Variants in CLCF1 observed in about 807,000 individuals in gnomAD.
The protein encoded by CLCF1 is cardiotrophin like cytokine factor 1.
In CLCF1, 10 loss-of-function variants were observed where a neutral mutation model predicts 21.2. The observed-to-expected ratio is 0.47, with a 90% CI of 0.29 to 0.80. The LOEUF (loss-of-function observed/expected upper bound fraction) is 0.80, where lower values mean the gene tolerates loss of function less well. Among genes scored for constraint, CLCF1 ranks in the 30% least tolerant of loss-of-function variants. CLCF1 has a pLI of 0.09. For synonymous variants in CLCF1, 115 were observed against 120.5 expected, an observed-to-expected ratio of 0.95 and a Z score of 0.30; for missense variants, 240 against 293.4, an observed-to-expected ratio of 0.82 and a Z score of 1.33.
At chr11:67,369,620 C>G in intron 1 of CLCF1, 1 of 985,446 alleles carries the variant, frequency 1.0e-6, no homozygotes, top group Non-Finnish European at 1.2e-6. Context: ...CTGAATTGGG[C>G]AGCGGCCCTC....
chr11:67,373,516 G>GCTC lies in CLCF1; in HGVS notation c.16+5_16+7dup. ...CGGGGGTCGGGGCCTCGGCCGCCTG[G>GCTC]CTCCTACCTGCTCGGAGGTCCATGG... On this transcript the variant is annotated splice_region_variant and intron_variant, in intron 1 of 2. Coordinates refer to ENST00000312438, the MANE Select transcript of CLCF1 (RefSeq NM_013246.3). The GCTC allele has an allele frequency of 7.1e-7, 1 of 1,401,718 alleles. No individual in the cohort carries two copies. The highest frequency in any genetic ancestry group is 9.4e-7 in the Non-Finnish European group (1 of 1,063,162). 86.8% of individuals were successfully genotyped at this position (1,401,718 alleles called of 1,614,324 possible).
In CLCF1 at chr11:67,365,646, G is replaced by A. The variant is rs377140946; in HGVS notation, c.184-16C>T. ...GGTAGTTCAGCTGTGAAAAGGAGAGGGTGATGGGGAAGGAGGAGGGCAGAG... is the reference window on the plus strand; with the variant it reads ...GGTAGTTCAGCTGTGAAAAGGAGAGAGTGATGGGGAAGGAGGAGGGCAGAG... On this transcript the variant is annotated splice_polypyrimidine_tract_variant and intron_variant, in intron 2 of 2. Transcript: ENST00000312438. The surrounding 1 kb of genome is among the most constrained non-coding windows in gnomAD (Gnocchi z 5.0). The A allele has an allele frequency of 6.3e-7, 1 of 1,596,498 alleles. No homozygotes were observed. Among genetic ancestry groups the A allele is most frequent in the Non-Finnish European group, 8.6e-7 (1 of 1,168,034 alleles).
upstream of CLCF1, chr11:67,373,618 G>A: frequency 1.6e-6 from 2 of 1,284,214 alleles, no homozygotes; most frequent in Non-Finnish European, 2.0e-6. Context: ...CGGCTCCGGC[G>A]AAGCTTTAAT....
Position 67,365,731 on chromosome 11 carries a change from G to A in CLCF1, c.184-101C>T. 1.3e-6 allele frequency: 2 copies of A among 1,486,930 alleles called. No individual in the cohort carries two copies. Among genetic ancestry groups the A allele is most frequent in the South Asian group, 1.4e-5 (1 of 72,550 alleles). 92.1% of individuals were successfully genotyped at this position (1,486,930 alleles called of 1,614,324 possible). On this transcript the variant is annotated intron_variant, in intron 2 of 2. Coordinates refer to ENST00000312438, the MANE Select transcript of CLCF1 (RefSeq NM_013246.3). This position sits in a 1 kb window ranked among gnomAD's most constrained non-coding sequence, Gnocchi z 5.0. ...AAAGTTTCTATTTTTTGTGTCCCCT[G>A]ACACTGGCCCTGTCTCCATGCTAGG...
chr11:67,370,999 C>T (rs533075298), intron 1 of CLCF1: 2 of 985,386 alleles, frequency 2.0e-6, no homozygotes, highest in African/African-American at 1.7e-5. Context: ...CCAGCGCTGG[C>T]TGCGGTTGGA....
rs1862060662 is a variant in CLCF1, at chr11:67,364,617, CTGTTAA to C, written c.*513_*518del. 5.7e-6 allele frequency: 1 copy of C among 176,472 alleles called. No individual in the cohort carries two copies. Among genetic ancestry groups the C allele is most frequent in the Admixed American group, 5.5e-5 (1 of 18,036 alleles). 10.9% of individuals were successfully genotyped at this position (176,472 alleles called of 1,614,324 possible). ...CTCCAATGCAGACCCCAACCCTGCA[CTGTTAA>C]TCTCATCTCTTTTTGTGTAGAATTG... On this transcript the variant is annotated 3_prime_UTR_variant, in exon 3 of 3. Transcript: ENST00000312438.
rs1000809641 is a variant in CLCF1 at position 67,372,533 on chromosome 11, C to G, written c.16+991G>C. ...GGTGACCTCTCGCTCTGGGACCCCT[C>G]CCGGCGCTGCGCCTTCCCCCTGTGT... On this transcript the variant is annotated intron_variant, in intron 1 of 2. Transcript: ENST00000312438. The surrounding 1 kb of genome is among the most constrained non-coding windows in gnomAD (Gnocchi z 5.9). Among the ~76,000 whole-genome samples, 55 of 151,726 alleles carry G rather than the reference C, an allele frequency of 3.6e-4. 1 individual carries two copies. The highest frequency in any genetic ancestry group is 1.3e-3 in the African/African-American group (54 of 41,376).
intron 2 of CLCF1, 105 bp downstream of exon 2, chr11:67,367,355 G>C: frequency 6.4e-7 from 1 of 1,558,306 alleles, no homozygotes. Flanking sequence ...GAGCCAAAGA[G>C]CCCCTCCTCA....
At position 67,365,655 on chromosome 11, in the gene CLCF1, G is replaced by A. The variant is rs562640101; in HGVS notation, c.184-25C>T. On this transcript the variant is annotated intron_variant, in intron 2 of 2. Coordinates refer to ENST00000312438, the MANE Select transcript of CLCF1 (RefSeq NM_013246.3). This position sits in a 1 kb window ranked among gnomAD's most constrained non-coding sequence, Gnocchi z 5.0. ...GCTGTGAAAAGGAGAGGGTGATGGG[G>A]AAGGAGGAGGGCAGAGCCGCTGGCT... The A allele has an allele frequency of 2.0e-5, 31 of 1,589,596 alleles. No homozygotes were observed. The highest frequency in any genetic ancestry group is 1.6e-4 in the East Asian group (7 of 44,458).
Sources: allele counts gnomAD v4.1 joint callset (sites outside exome capture counted in the v4.1 genomes callset), GRCh38; gene constraint gnomAD v4.1.1; non-coding constraint Gnocchi (gnomAD v3.1); transcripts MANE v1.5; gene names NCBI Gene and HGNC (gene_info 2026-07-23, HGNC 2026-07-21).